The following GATB variants were observed in gnomAD, a reference collection of about 807,000 sequenced individuals.
GATB encodes glutamyl-tRNA amidotransferase subunit B.
In GATB, 39 loss-of-function variants were observed where a neutral mutation model predicts 62.3. The ratio of observed to expected loss-of-function variants is 0.63; its 90% CI spans 0.48 to 0.82. GATB has a LOEUF of 0.82. Among genes scored for constraint, GATB ranks in the 40% least tolerant of loss-of-function variants. The pLI is 0.00. For synonymous variants in GATB, 276 were observed against 258.9 expected (o/e 1.07, Z -0.63); for missense variants, 670 against 684.0 (o/e 0.98, Z 0.23).
At chr4:151,674,158 GA>G in intron 11 of GATB, 1 of 152,354 alleles carries the variant, frequency 6.6e-6, no homozygotes, top group Non-Finnish European at 1.5e-5. Flanking sequence ...GACTGCTCAG[GA>G]AAAGCCTGGC....
intron 1 of GATB, among the ~76,000 whole-genome samples, 154 bp from the exon 2 acceptor site, chr4:151,759,076 T>C (rs1739898212): frequency 6.6e-6 from 1 of 152,234 alleles, no homozygotes; most frequent in Non-Finnish European, 1.5e-5. Context: ...ATTTTATCAG[T>C]GACTAAATAA....
rs566797247 is a variant in GATB at position 151,686,100 on chromosome 4, A to G, written c.1331+2530T>C. The stretch of plus-strand genomic sequence containing the variant: ...AAGACAAAGAGGCAGCAGATGCCAC[A>G]AGAGTTCAGGAGGGTGGCAGGTGCT... On this transcript the variant is annotated intron_variant, in intron 10 of 12. Coordinates refer to ENST00000263985, the MANE Select transcript of GATB (RefSeq NM_004564.3). 3.5e-4 allele frequency among the ~76,000 whole-genome samples: 53 copies of G among 152,132 alleles called. 1 individual carries two copies. The highest frequency in any genetic ancestry group is 1.9e-4 in the Non-Finnish European group (13 of 68,016).
intron 12 of GATB, 87 bp downstream of exon 12, chr4:151,672,675 C>T (rs1737898960): frequency 7.0e-7 from 1 of 1,432,662 alleles, no homozygotes; most frequent in Non-Finnish European, 9.5e-7. Flanking sequence ...TAGGAAGAGC[C>T]TCTGGGCTGC....
At chr4:151,750,901 T>C (rs1159029843) in intron 2 of GATB, among the ~76,000 whole-genome samples, 1 of 152,076 alleles carries the variant, frequency 6.6e-6, no homozygotes, top group African/African-American at 2.4e-5. Context: ...TCCAAAGTGC[T>C]GGGATTACAG....
chr4:151,747,021 C>T (rs1321607917), intron 2 of GATB, among the ~76,000 whole-genome samples: 2 of 152,154 alleles, frequency 1.3e-5, no homozygotes, highest in East Asian at 1.9e-4. Context: ...ATTTTCTACT[C>T]ACTTTCTAAC....
chr4:151,759,294 T>A (rs568660062), intron 1 of GATB, among the ~76,000 whole-genome samples: 1 of 152,190 alleles, frequency 6.6e-6, no homozygotes, highest in South Asian at 2.1e-4. Flanking sequence ...CTGTAACTTA[T>A]CAAGTAATCA....
At chr4:151,704,643 C>T (rs60332448) in intron 7 of GATB, among the ~76,000 whole-genome samples, 1,576 of 151,496 alleles carry the variant, frequency 0.01, 21 homozygotes, top group African/African-American at 0.037. Flanking sequence ...TTAGTAGAGA[C>T]GGGGTTTCAC....
intron 11 of GATB, chr4:151,675,393 T>TA (rs1737978094): frequency 6.6e-6 from 1 of 152,592 alleles, no homozygotes; most frequent in Non-Finnish European, 1.5e-5. Flanking sequence ...CCCAGTCCCC[T>TA]AGGCTTATAC....
At chr4:151,758,691 T>C in intron 2 of GATB, 81 bp downstream of exon 2, 1 of 1,194,664 alleles carries the variant, frequency 8.4e-7, no homozygotes, top group South Asian at 1.8e-5. Flanking sequence ...TGTGTTATTA[T>C]TAAAACAAGA....
At chr4:151,736,802 G>A (rs977781645) in intron 2 of GATB, among the ~76,000 whole-genome samples, 2 of 152,202 alleles carry the variant, frequency 1.3e-5, no homozygotes, top group African/African-American at 2.4e-5. Flanking sequence ...TCGTGATAGA[G>A]AATAAGTCTC....
chr4:151,682,078 A>G (rs1010897630), intron 10 of GATB, among the ~76,000 whole-genome samples: 2 of 152,350 alleles, frequency 1.3e-5, no homozygotes, highest in Admixed American at 6.5e-5. Flanking sequence ...ATAACTAAAA[A>G]TAACGTCGCC....
intron 5 of GATB, among the ~76,000 whole-genome samples, chr4:151,714,981 A>G (rs191835783): frequency 7.9e-5 from 12 of 152,382 alleles, no homozygotes; most frequent in African/African-American, 2.6e-4. Context: ...CAGATTCAAC[A>G]TGTACCAGGG....
intron 2 of GATB, among the ~76,000 whole-genome samples, chr4:151,729,125 T>C (rs576705065): frequency 5.3e-5 from 8 of 152,148 alleles, no homozygotes; most frequent in Non-Finnish European, 1.2e-4. Context: ...AGAGGCTTCT[T>C]AGTAAGTCAT....
chr4:151,686,510 G>A (rs12647616), intron 10 of GATB, among the ~76,000 whole-genome samples: 63,193 of 151,244 alleles, frequency 0.42, 13,641 homozygotes, highest in South Asian at 0.58. Flanking sequence ...CCCCTGCCCC[G>A]GGACCTTGCA....
At chr4:151,683,739 G>T (rs1301537681) in intron 10 of GATB, among the ~76,000 whole-genome samples, 1 of 152,202 alleles carries the variant, frequency 6.6e-6, no homozygotes, top group East Asian at 1.9e-4. Flanking sequence ...TTAGTCACAG[G>T]CTCTACAGAA....
chr4:151,697,963 A>ATATGTG (rs1553967150), intron 9 of GATB, among the ~76,000 whole-genome samples: 8 of 116,672 alleles, frequency 6.9e-5, no homozygotes, highest in African/African-American at 2.5e-4. Context: ...GTATATATAT[A>ATATGTG]TATATATATA....
chr4:151,699,453 A>C (rs1199558639), intron 9 of GATB, among the ~76,000 whole-genome samples: 1 of 152,066 alleles, frequency 6.6e-6, no homozygotes, highest in Non-Finnish European at 1.5e-5. Context: ...CAGGCCTTTA[A>C]ACTATTAAAA....
chr4:151,672,732 C>T (rs199601437), intron 12 of GATB, 30 bp downstream of exon 12: 8 of 1,609,780 alleles, frequency 5.0e-6, no homozygotes, highest in Non-Finnish European at 6.8e-6. Context: ...GGGGCTGGCT[C>T]TGGCCCTCTC....
chr4:151,751,314 T>C (rs1739716843), intron 2 of GATB, among the ~76,000 whole-genome samples: 1 of 152,176 alleles, frequency 6.6e-6, no homozygotes, highest in Admixed American at 6.5e-5. Context: ...AAAATAAAAA[T>C]AAATCTTGTT....
Sources: allele counts gnomAD v4.1 joint callset (sites outside exome capture counted in the v4.1 genomes callset), GRCh38; gene constraint gnomAD v4.1.1; transcripts MANE v1.5; gene names NCBI Gene and HGNC (gene_info 2026-07-23, HGNC 2026-07-21).